The following AKAP6 variants were observed in gnomAD, a reference collection of about 807,000 sequenced individuals.
AKAP6 encodes the protein A-kinase anchoring protein 6, also known as A-kinase anchor protein 6.
AKAP6 carries 58 observed loss-of-function variants against 188.5 expected under a neutral mutation model. The observed-to-expected ratio is 0.31, with a 90% CI of 0.25 to 0.38. The LOEUF (loss-of-function observed/expected upper bound fraction) is 0.38. AKAP6 is among the 10% of genes least tolerant of loss of function. The probability of loss-of-function intolerance (pLI) is 1.00; values close to 1 mark genes in which losing one functional copy is unlikely to be tolerated. For synonymous variants in AKAP6, 989 were observed against 998.6 expected (o/e 0.99, Z 0.18); for missense variants, 2,710 against 2,740.0 (o/e 0.99, Z 0.24).
At chr14:32,704,327 G>A (rs576529812) in intron 9 of AKAP6, among the ~76,000 whole-genome samples, 53 of 152,232 alleles carry the variant, frequency 3.5e-4, no homozygotes, top group African/African-American at 1.0e-3. Flanking sequence ...ATGGGAATGC[G>A]TAGTATTCCC....
intron 11 of AKAP6, among the ~76,000 whole-genome samples, chr14:32,751,906 A>G (rs2032154415): frequency 6.6e-6 from 1 of 152,214 alleles, no homozygotes; most frequent in South Asian, 2.1e-4. Context: ...ATCCTTGTGC[A>G]TATTTTCAAG....
In AKAP6 at chr14:32,600,649, A is replaced by T. The variant is rs1885888306; in HGVS notation, c.2587A>T (p.Met863Leu). ...AGAAGGACTGAAGGACATGCTGCGG[A>T]TGATTGCAAGTCAATGGAAGGAGCT... ...HKAGLKDMLR[M>L]IASQWKELQR... Residue 863 changes from methionine to leucine, a missense_variant, in exon 7 of 14, where the codon ATG (methionine) becomes TTG (leucine). Met to Leu is a conservative substitution (Grantham distance 15). This residue lies in a region of AKAP6 where 2,473 missense variants were observed against 2,426.1 expected (regional missense o/e 1.02). Transcript: ENST00000280979. The T allele has an allele frequency of 1.2e-6, 2 of 1,612,976 alleles. No individual in the cohort carries two copies. The highest frequency in any genetic ancestry group is 2.2e-5 in the East Asian group (1 of 44,862).
intron 2 of AKAP6, among the ~76,000 whole-genome samples, chr14:32,504,275 T>C (rs1880752067): frequency 6.6e-6 from 1 of 152,128 alleles, no homozygotes. Context: ...TTAATTTTTT[T>C]GTTGTTTGTT....
chr14:32,814,605 C>T (rs1950215), intron 12 of AKAP6, among the ~76,000 whole-genome samples: 2 of 152,064 alleles, frequency 1.3e-5, no homozygotes, highest in African/African-American at 2.4e-5. Flanking sequence ...GGATTTTCCA[C>T]GTGATTTTGC....
intron 7 of AKAP6, among the ~76,000 whole-genome samples, chr14:32,615,493 A>G (rs1886535214): frequency 6.6e-6 from 1 of 150,558 alleles, no homozygotes; most frequent in Non-Finnish European, 1.5e-5. Context: ...TTAATGAAAT[A>G]TTGTAATCTG....
chr14:32,688,265 G>A (rs1890018714), intron 8 of AKAP6, among the ~76,000 whole-genome samples: 1 of 152,028 alleles, frequency 6.6e-6, no homozygotes, highest in East Asian at 1.9e-4. Flanking sequence ...CACGGACAAT[G>A]AGAAGGCACC....
At chr14:32,564,210 T>C (rs1327922926) in intron 4 of AKAP6, among the ~76,000 whole-genome samples, 1 of 152,220 alleles carries the variant, frequency 6.6e-6, no homozygotes, top group Non-Finnish European at 1.5e-5. Context: ...TTAGTACAGA[T>C]GTCACCATCC....
intron 11 of AKAP6, among the ~76,000 whole-genome samples, chr14:32,754,471 T>C (rs1594913263): frequency 6.6e-6 from 1 of 152,188 alleles, no homozygotes; most frequent in East Asian, 1.9e-4. Context: ...ATTACCAAAC[T>C]ATTTTAGCTA....
chr14:32,490,299 C>T (rs73267372), intron 2 of AKAP6, among the ~76,000 whole-genome samples: 10,246 of 152,230 alleles, frequency 0.067, 1,091 homozygotes, highest in African/African-American at 0.22. Context: ...CCTGACATTG[C>T]TGTCTTTTGC....
chr14:32,657,302 G>A lies in AKAP6; in HGVS notation c.2731-21009G>A, dbSNP rs55733502. On this transcript the variant is annotated intron_variant, in intron 7 of 13. Coordinates refer to ENST00000280979, the MANE Select transcript of AKAP6 (RefSeq NM_004274.5). Reference sequence around the variant, plus strand: ...ATGCTGACCCTGTAGTGGCTGTGATGAAATAACCCGTGGCAGGAACAAGAA... The same window carrying A: ...ATGCTGACCCTGTAGTGGCTGTGATAAAATAACCCGTGGCAGGAACAAGAA... Among the ~76,000 whole-genome samples, 318 of 152,290 alleles carry A rather than the reference G, an allele frequency of 2.1e-3. 5 individuals carry two copies. The highest frequency in any genetic ancestry group is 7.3e-3 in the African/African-American group (304 of 41,576).
At chr14:32,637,406 A>G (rs1334460363) in intron 7 of AKAP6, among the ~76,000 whole-genome samples, 1 of 152,146 alleles carries the variant, frequency 6.6e-6, no homozygotes, top group Non-Finnish European at 1.5e-5. Flanking sequence ...GTGAAGAATT[A>G]TAGAAAAGAT....
In AKAP6 at chr14:32,412,931, T is replaced by C. The variant is rs561440186; in HGVS notation, c.-34-20529T>C. ...TATAGACATTGCACTTTTTTCTCAA[T>C]CTTGAAATTGGGGATTTTCACTGTA... On this transcript the variant is annotated intron_variant, in intron 1 of 13. Transcript: ENST00000280979. 1.4e-4 allele frequency among the ~76,000 whole-genome samples: 22 copies of C among 152,250 alleles called. No individual in the cohort carries two copies. The South Asian group carries it at 4.6e-3, about 32-fold the overall frequency.
intron 5 of AKAP6, among the ~76,000 whole-genome samples, chr14:32,589,803 G>T (rs1885409760): frequency 6.6e-6 from 1 of 152,066 alleles, no homozygotes. Context: ...TCCTATTTAG[G>T]GCAGTATTAT....
At position 32,341,427 on chromosome 14, in the gene AKAP6, GT is replaced by G. The variant is rs1407222525; in HGVS notation, c.-35+12022del. Reference sequence around the variant, plus strand: ...ACAGTTTCATGATACTTTGATAACAGTTTCCAATAATTTGTTCATTATCATA... The same window carrying G: ...ACAGTTTCATGATACTTTGATAACAGTTCCAATAATTTGTTCATTATCATA... On this transcript the variant is annotated intron_variant, in intron 1 of 13. Coordinates refer to ENST00000280979, the MANE Select transcript of AKAP6 (RefSeq NM_004274.5). Among the ~76,000 whole-genome samples the G allele has an allele frequency of 2.0e-5, 3 of 152,152 alleles. No homozygotes were observed. In the East Asian group the frequency reaches 5.8e-4, roughly 29 times the overall value.
At chr14:32,665,181 C>T (rs563225004) in intron 7 of AKAP6, among the ~76,000 whole-genome samples, 86 of 152,090 alleles carry the variant, frequency 5.7e-4, no homozygotes, top group Middle Eastern at 3.4e-3. Flanking sequence ...AATTCAGTTC[C>T]AACATTATCT....
intron 5 of AKAP6, among the ~76,000 whole-genome samples, chr14:32,594,785 G>C (rs958856609): frequency 6.6e-6 from 1 of 152,116 alleles, no homozygotes; most frequent in Admixed American, 6.5e-5. Flanking sequence ...CATTTTCTTA[G>C]GGTAGTAAAA....
In AKAP6 at chr14:32,728,200, ATTTTTTTTTTTTT is replaced by A. The variant is rs3033287; in HGVS notation, c.3001-4235_3001-4223del. 1.1e-4 allele frequency among the ~76,000 whole-genome samples: 8 copies of A among 71,058 alleles called. No homozygotes were observed. In the East Asian group the frequency reaches 1.5e-3, roughly 13 times the overall value. The allele number at this position is 71,058 out of a possible 152,430, so 46.6% of individuals were successfully genotyped here. ...GAGTTGTAAATAGACACATCCCTGG[ATTTTTTTTTTTTT>A]TTTTTTTTTTTTTTTTTTGCAAAAA... On this transcript the variant is annotated intron_variant, in intron 9 of 13. Transcript: ENST00000280979.
intron 1 of AKAP6, among the ~76,000 whole-genome samples, chr14:32,391,951 G>A (rs2138586430): frequency 6.6e-6 from 1 of 152,234 alleles, no homozygotes; most frequent in South Asian, 2.1e-4. Flanking sequence ...TGAAGTGGGA[G>A]TGAGTCTTAT....
At chr14:32,579,632 A>G (rs1292250676) in intron 5 of AKAP6, among the ~76,000 whole-genome samples, 1 of 152,148 alleles carries the variant, frequency 6.6e-6, no homozygotes, top group Non-Finnish European at 1.5e-5. Flanking sequence ...CTGTTACTTT[A>G]GATACAGCCT....
Sources: allele counts gnomAD v4.1 joint callset (sites outside exome capture counted in the v4.1 genomes callset), GRCh38; gene constraint gnomAD v4.1.1; regional missense constraint gnomAD v4.1.1; transcripts MANE v1.5; gene names NCBI Gene and HGNC (gene_info 2026-07-23, HGNC 2026-07-21).